CCDC73: variants seen among roughly 807,000 people sequenced by gnomAD.
CCDC73 encodes the protein coiled-coil domain containing 73, also known as coiled-coil domain-containing protein 73.
Under a neutral mutation model 116.5 loss-of-function variants are expected in CCDC73, and 95 were observed. The observed-to-expected ratio is 0.82, with a 90% CI of 0.69 to 0.97. The LOEUF is 0.97. CCDC73 is among the 50% of genes least tolerant of loss of function. CCDC73 has a pLI of 0.00. For synonymous variants in CCDC73, 398 were observed against 401.3 expected (o/e 0.99, Z 0.10); for missense variants, 1,066 against 1,206.8 (o/e 0.88, Z 1.73).
At chr11:32,652,627 A>G (rs1016125450) in intron 12 of CCDC73, among the ~76,000 whole-genome samples, 2 of 152,144 alleles carry the variant, frequency 1.3e-5, no homozygotes, top group African/African-American at 4.8e-5. Context: ...AATGGCCAAC[A>G]ATGTCTTCTC....
chr11:32,675,983 G>C lies in CCDC73; in HGVS notation c.468C>G (p.Asp156Glu), dbSNP rs998332845. ...CAATTTCACTCAGTTGCTTATGATA[G>C]TCTTCTTTAGCCAGAAGATGTAACT... ...KVQLHLLAKE[D>E]YHKQLSEIEK... The change falls in exon 8 of 18, where the codon GAC (aspartate) becomes GAG (glutamate). Residue 156 changes from aspartate to glutamate, a missense_variant. Transcript: ENST00000335185. 6.2e-7 allele frequency: 1 copy of C among 1,606,936 alleles called. No homozygotes were observed.
chr11:32,651,146 G>A lies in CCDC73; in HGVS notation c.939+1977C>T, dbSNP rs888577233. On this transcript the variant is annotated intron_variant, in intron 12 of 17. Coordinates refer to ENST00000335185, the MANE Select transcript of CCDC73 (RefSeq NM_001008391.4). ...ACCCATCTACTATGTCCTGGACGTG[G>A]GTGGGGAAGAGAATCTTCCCTTCCC... 3.3e-5 allele frequency among the ~76,000 whole-genome samples: 5 copies of A among 152,048 alleles called. 1 individual carries two copies. Among genetic ancestry groups the A allele is most frequent in the African/African-American group, 9.7e-5 (4 of 41,384 alleles).
intron 1 of CCDC73, among the ~76,000 whole-genome samples, chr11:32,775,605 A>G (rs749437190): frequency 3.9e-5 from 6 of 152,200 alleles, no homozygotes; most frequent in Admixed American, 6.5e-5. Flanking sequence ...ATAGCATAAT[A>G]CATGAGATTA....
chr11:32,798,743 A>G (rs1850747575), upstream of CCDC73, among the ~76,000 whole-genome samples: 1 of 152,182 alleles, frequency 6.6e-6, no homozygotes, highest in South Asian at 2.1e-4. Flanking sequence ...GGTAATGGGA[A>G]GTTCTTCCTC....
At chr11:32,673,252 ACACT>A (rs2133284914) in intron 9 of CCDC73, among the ~76,000 whole-genome samples, 1 of 152,256 alleles carries the variant, frequency 6.6e-6, no homozygotes, top group Admixed American at 6.5e-5. Flanking sequence ...AACATCCAAA[ACACT>A]GACAACACCA....
rs188011240 is a variant in CCDC73 at position 32,766,768 on chromosome 11, A to T, written c.-15-6510T>A. Reference sequence around the variant, plus strand: ...CCTAGGAATCCAACTTACAAGGGACATGAAGGACCTCTTCAAGGAGAACTA... The same window carrying T: ...CCTAGGAATCCAACTTACAAGGGACTTGAAGGACCTCTTCAAGGAGAACTA... On this transcript the variant is annotated intron_variant, in intron 1 of 17. Coordinates refer to ENST00000335185, the MANE Select transcript of CCDC73 (RefSeq NM_001008391.4). Among the ~76,000 whole-genome samples the T allele has an allele frequency of 7.2e-3, 1,099 of 152,280 alleles. 17 individuals carry two copies. The highest frequency in any genetic ancestry group is 0.025 in the African/African-American group (1,059 of 41,556).
At chr11:32,628,690 T>G (rs1855598880) in intron 14 of CCDC73, among the ~76,000 whole-genome samples, 1 of 152,218 alleles carries the variant, frequency 6.6e-6, no homozygotes, top group African/African-American at 2.4e-5. Flanking sequence ...CTTAACCTCC[T>G]GTGAAACTTT....
intron 5 of CCDC73, among the ~76,000 whole-genome samples, chr11:32,699,837 A>T (rs1193757609): frequency 2.0e-5 from 3 of 151,030 alleles, no homozygotes; most frequent in African/African-American, 7.3e-5. Flanking sequence ...TATGTAACAA[A>T]CCTGCACGTT....
chr11:32,668,876 C>T (rs1456172203), intron 9 of CCDC73, among the ~76,000 whole-genome samples: 1 of 152,068 alleles, frequency 6.6e-6, no homozygotes, highest in African/African-American at 2.4e-5. Flanking sequence ...TAGAGAAAAA[C>T]CTTCAGTGTT....
the CCDC73 span, among the ~76,000 whole-genome samples, chr11:32,824,372 A>G: frequency 6.6e-6 from 1 of 152,220 alleles, no homozygotes; most frequent in Non-Finnish European, 1.5e-5. Context: ...TATAAAAGCA[A>G]GTAATTCAAG....
At chr11:32,796,097 A>G (rs10835975), upstream of CCDC73, among the ~76,000 whole-genome samples, 85,620 of 151,816 alleles carry the variant, frequency 0.56, 24,482 homozygotes, top group East Asian at 0.84. Flanking sequence ...TTTTTAGGGA[A>G]AGCATTCCTA....
upstream of CCDC73, among the ~76,000 whole-genome samples, chr11:32,798,773 TG>T (rs1352750861): frequency 1.3e-5 from 2 of 152,168 alleles, no homozygotes; most frequent in African/African-American, 4.8e-5. Flanking sequence ...CATGCTCTCT[TG>T]TTTCCCTTTT....
At chr11:32,671,188 C>G (rs1317778634) in intron 9 of CCDC73, among the ~76,000 whole-genome samples, 1 of 151,962 alleles carries the variant, frequency 6.6e-6, no homozygotes, top group Non-Finnish European at 1.5e-5. Flanking sequence ...TCTCCTTCAC[C>G]CCTCCCTTTC....
intron 3 of CCDC73, among the ~76,000 whole-genome samples, chr11:32,703,387 C>A (rs1319649212): frequency 6.6e-6 from 1 of 151,674 alleles, no homozygotes; most frequent in East Asian, 1.9e-4. Context: ...GTACCCAGCC[C>A]AATTTTATAA....
Position 32,754,442 on chromosome 11 carries a change from T to C in CCDC73, c.135+5667A>G, listed in dbSNP as rs554387225. ...TGACATGGGCCAATATGCTGTCTAT[T>C]TGGGGTTCAAGAAAAAGATAATAGA... On this transcript the variant is annotated intron_variant, in intron 2 of 17. Transcript: ENST00000335185. 4.6e-5 allele frequency among the ~76,000 whole-genome samples: 7 copies of C among 152,216 alleles called. No individual in the cohort carries two copies. In the South Asian group the frequency reaches 6.2e-4, roughly 14 times the overall value.
intron 3 of CCDC73, among the ~76,000 whole-genome samples, chr11:32,705,658 C>G (rs1371111208): frequency 3.3e-5 from 5 of 152,148 alleles, no homozygotes; most frequent in Non-Finnish European, 7.3e-5. Flanking sequence ...GCGAGCAAAA[C>G]TCAAGCAGAG....
chr11:32,802,555 T>C, the CCDC73 span, among the ~76,000 whole-genome samples: 36 of 152,346 alleles, frequency 2.4e-4, 1 homozygote, highest in South Asian at 5.8e-3. Context: ...CAACAAGCAA[T>C]TGATGAGCTT....
chr11:32,800,893 G>A, the CCDC73 span, among the ~76,000 whole-genome samples: 2 of 152,288 alleles, frequency 1.3e-5, no homozygotes, highest in African/African-American at 2.4e-5. Flanking sequence ...TGCCTCGGCT[G>A]CAAATAACAG....
In CCDC73 at chr11:32,676,035, T is replaced by C. The variant is rs564100234; in HGVS notation, c.430-14A>G. ...GACCTTTTGTTCCTATTTTGAAGAGTAATTTTAAATGTTATACATATAACA... is the reference window on the plus strand; with the variant it reads ...GACCTTTTGTTCCTATTTTGAAGAGCAATTTTAAATGTTATACATATAACA... On this transcript the variant is annotated splice_polypyrimidine_tract_variant and intron_variant, in intron 7 of 17. Coordinates refer to ENST00000335185, the MANE Select transcript of CCDC73 (RefSeq NM_001008391.4). The C allele has an allele frequency of 1.3e-6, 2 of 1,575,616 alleles. No individual in the cohort carries two copies. Among genetic ancestry groups the C allele is most frequent in the African/African-American group, 1.4e-5 (1 of 73,228 alleles).
Sources: gnomAD v4.1 joint callset for allele counts (sites outside exome capture counted in the v4.1 genomes callset) on GRCh38, gnomAD v4.1.1 for gene constraint, MANE v1.5 for transcripts, NCBI Gene and HGNC (gene_info 2026-07-23, HGNC 2026-07-21) for gene names.